The following LRRC4C variants were observed in gnomAD, a reference collection of about 807,000 sequenced individuals.
The protein encoded by LRRC4C is leucine rich repeat containing 4C, also known as leucine-rich repeat-containing protein 4C.
Under a neutral mutation model 33.6 loss-of-function variants are expected in LRRC4C, and 5 were observed. That is an observed-to-expected ratio of 0.15 (90% confidence interval 0.08 to 0.31). LRRC4C has a LOEUF of 0.31. Among genes scored for constraint, LRRC4C ranks in the 10% least tolerant of loss-of-function variants. The pLI is 1.00. For synonymous variants in LRRC4C, 329 were observed against 302.0 expected, an observed-to-expected ratio of 1.09 and a Z score of -0.93; for missense variants, 560 against 796.7, an observed-to-expected ratio of 0.70 and a Z score of 3.58.
intron 3 of LRRC4C, among the ~76,000 whole-genome samples, chr11:40,502,541 T>G (rs931369829): frequency 2.6e-5 from 4 of 152,130 alleles, no homozygotes; most frequent in African/African-American, 9.7e-5. Flanking sequence ...GGAAACCCCT[T>G]ATAAAACCAT....
At chr11:40,905,663 G>A (rs1592050579) in intron 2 of LRRC4C, among the ~76,000 whole-genome samples, 1 of 152,320 alleles carries the variant, frequency 6.6e-6, no homozygotes, top group Middle Eastern at 3.4e-3. Context: ...GTCCAGCACA[G>A]CACTAGGCAT....
intron 3 of LRRC4C, among the ~76,000 whole-genome samples, chr11:40,384,209 G>C (rs1949014346): frequency 6.6e-6 from 1 of 151,988 alleles, no homozygotes; most frequent in South Asian, 2.1e-4. Flanking sequence ...AATACCCTAA[G>C]AGTATCTTTG....
intron 1 of LRRC4C, among the ~76,000 whole-genome samples, chr11:41,231,509 C>G (rs946349172): frequency 1.8e-4 from 27 of 149,532 alleles, no homozygotes; most frequent in Non-Finnish European, 3.8e-4. Context: ...AGCAAACTAT[C>G]GCAAGGACAA....
chr11:40,958,957 T>C (rs1959076456), intron 1 of LRRC4C, among the ~76,000 whole-genome samples: 1 of 151,744 alleles, frequency 6.6e-6, no homozygotes, highest in Admixed American at 6.6e-5. Flanking sequence ...TTCTTTATTC[T>C]GGTGGTGTTC....
At chr11:40,778,963 A>G (rs193273430) in intron 2 of LRRC4C, among the ~76,000 whole-genome samples, 2 of 152,294 alleles carry the variant, frequency 1.3e-5, no homozygotes, top group East Asian at 3.9e-4. Context: ...TTTAGGCAGG[A>G]GATGACATGA....
At chr11:40,701,535 C>T (rs1475488530) in intron 2 of LRRC4C, among the ~76,000 whole-genome samples, 2 of 151,110 alleles carry the variant, frequency 1.3e-5, no homozygotes, top group Non-Finnish European at 3.0e-5. Context: ...TGGGCATTTC[C>T]ATGTCATGTA....
chr11:40,507,074 C>A (rs953007333), intron 3 of LRRC4C, among the ~76,000 whole-genome samples: 1 of 152,010 alleles, frequency 6.6e-6, no homozygotes, highest in Non-Finnish European at 1.5e-5. Context: ...AAAAACACTA[C>A]ATGTATTAAA....
chr11:40,802,505 A>G (rs945955692), intron 2 of LRRC4C, among the ~76,000 whole-genome samples: 249 of 85,254 alleles, frequency 2.9e-3, no homozygotes, highest in Non-Finnish European at 6.3e-3. Context: ...AGGTTAGAAT[A>G]AGCAAAAAAA....
chr11:40,459,186 G>A (rs1952273667), intron 3 of LRRC4C, among the ~76,000 whole-genome samples: 1 of 152,102 alleles, frequency 6.6e-6, no homozygotes, highest in African/African-American at 2.4e-5. Flanking sequence ...TTTTATAAGT[G>A]TTCTCTTATT....
chr11:41,305,909 A>G, intron 1 of LRRC4C, among the ~76,000 whole-genome samples: 1 of 90,908 alleles, frequency 1.1e-5, no homozygotes, highest in East Asian at 5.4e-4. Flanking sequence ...ATAAAAAAAT[A>G]AATTAAAAAA....
chr11:40,402,485 C>T (rs185817366), intron 3 of LRRC4C, among the ~76,000 whole-genome samples: 2 of 152,074 alleles, frequency 1.3e-5, no homozygotes, highest in South Asian at 4.1e-4. Context: ...GATTTCATAT[C>T]CCTGACCCAG....
intron 3 of LRRC4C, among the ~76,000 whole-genome samples, chr11:40,343,735 C>T (rs1490337560): frequency 8.9e-6 from 1 of 112,248 alleles, no homozygotes; most frequent in African/African-American, 3.3e-5. Flanking sequence ...AAGAGAGAGA[C>T]AGAGATAGAC....
intron 1 of LRRC4C, among the ~76,000 whole-genome samples, chr11:41,164,461 A>C (rs922994235): frequency 2.0e-5 from 3 of 152,202 alleles, no homozygotes; most frequent in African/African-American, 7.2e-5. Flanking sequence ...ACACTCTAAA[A>C]TAATAATAAA....
intron 2 of LRRC4C, among the ~76,000 whole-genome samples, chr11:40,894,828 G>A (rs1955866865): frequency 6.6e-6 from 1 of 152,082 alleles, no homozygotes; most frequent in East Asian, 1.9e-4. Flanking sequence ...CTTTTATGGA[G>A]ATAAGATCTG....
At chr11:41,220,368 C>G (rs1240804001) in intron 1 of LRRC4C, among the ~76,000 whole-genome samples, 1 of 152,078 alleles carries the variant, frequency 6.6e-6, no homozygotes. Context: ...ATATGAAATA[C>G]CCCTCTCCAA....
At chr11:41,165,135 C>A (rs1266041586) in intron 1 of LRRC4C, among the ~76,000 whole-genome samples, 14 of 152,126 alleles carry the variant, frequency 9.2e-5, no homozygotes, top group Non-Finnish European at 1.5e-4. Flanking sequence ...GTTCCCAGAG[C>A]CTGGGACCTT....
chr11:40,761,570 G>A (rs576107106), intron 2 of LRRC4C, among the ~76,000 whole-genome samples: 49 of 152,248 alleles, frequency 3.2e-4, no homozygotes, highest in Non-Finnish European at 4.7e-4. Context: ...CATCAAGACA[G>A]CAAACTGACC....
At chr11:40,732,880 T>C (rs1464264332) in intron 2 of LRRC4C, among the ~76,000 whole-genome samples, 1 of 152,040 alleles carries the variant, frequency 6.6e-6, no homozygotes, top group African/African-American at 2.4e-5. Flanking sequence ...TTGTGGATCA[T>C]TTATTAGGTT....
intron 5 of LRRC4C, among the ~76,000 whole-genome samples, chr11:40,204,884 A>G (rs1207607637): frequency 6.6e-6 from 1 of 152,208 alleles, no homozygotes; most frequent in Non-Finnish European, 1.5e-5. Context: ...GTTTCTGGAC[A>G]TGAGCAGGGG....
Sources: allele counts gnomAD v4.1 joint callset (sites outside exome capture counted in the v4.1 genomes callset), GRCh38; gene constraint gnomAD v4.1.1; transcripts MANE v1.5; gene names NCBI Gene and HGNC (gene_info 2026-07-23, HGNC 2026-07-21).